SPATA1: variants seen among roughly 807,000 people sequenced by gnomAD.
The protein encoded by SPATA1 is spermatogenesis associated 1.
SPATA1 carries 57 observed loss-of-function variants against 59.6 expected under a neutral mutation model. That is an observed-to-expected ratio of 0.96 (90% CI 0.77 to 1.19). SPATA1 has a LOEUF of 1.19. Ranked by LOEUF, SPATA1 falls within the 50% of genes most tolerant of loss-of-function variation. SPATA1 has a pLI of 0.00. For missense variants in SPATA1, 448 were observed against 480.7 expected (o/e 0.93, Z 0.64); for synonymous variants, 147 against 163.9 (o/e 0.90, Z 0.79).
chr1:84,549,082 C>CTTATGACCTTATGT, intron 11 of SPATA1, 118 bp downstream of exon 11: 1 of 1,038,636 alleles, frequency 9.6e-7, no homozygotes, highest in South Asian at 3.0e-5. Context: ...TTGCTTAAAA[C>CTTATGACCTTATGT]AATAAAAAAA....
At chr1:84,524,358 G>C (rs144601862) in intron 4 of SPATA1, among the ~76,000 whole-genome samples, 2 of 152,262 alleles carry the variant, frequency 1.3e-5, no homozygotes, top group East Asian at 3.9e-4. Context: ...TTCAATGCCA[G>C]ATTAGTAGTT....
At chr1:84,562,762 G>A (rs983490611) in intron 4 of SPATA1, among the ~76,000 whole-genome samples, 1 of 151,994 alleles carries the variant, frequency 6.6e-6, no homozygotes, top group Admixed American at 6.6e-5. Flanking sequence ...TTTTGACATT[G>A]CTTTATAATT....
At chr1:84,549,005 T>C in intron 11 of SPATA1, 41 bp downstream of exon 11, 1 of 1,489,092 alleles carries the variant, frequency 6.7e-7, no homozygotes, top group Non-Finnish European at 8.9e-7. Flanking sequence ...AGAAGTTCTG[T>C]TCAAAACACA....
At chr1:84,548,864 G>A (rs143138172) in exon 11 of SPATA1, 24,691 of 1,587,906 alleles carry the variant, frequency 0.016, 262 homozygotes, top group Non-Finnish European at 0.017. Flanking sequence ...ACAAAACTTC[G>A]AGAAGATTTG....
chr1:84,545,687 G>A, exon 10 of SPATA1: 1 of 1,535,948 alleles, frequency 6.5e-7, no homozygotes, highest in Non-Finnish European at 8.7e-7. Context: ...AAGGTATCTG[G>A]AAAGAAATAG....
chr1:84,548,700 C>A, intron 10 of SPATA1, 86 bp from the exon 11 acceptor site: 1 of 1,331,518 alleles, frequency 7.5e-7, no homozygotes, highest in Non-Finnish European at 9.7e-7. Context: ...CTCTAGGATC[C>A]TTTCCAGGAT....
At chr1:84,522,425 A>G (rs761210096) in exon 4 of SPATA1, 1 of 1,508,352 alleles carries the variant, frequency 6.6e-7, no homozygotes, top group South Asian at 1.4e-5. Context: ...GCCCTGAGGG[A>G]GCGTCTTGGT....
At chr1:84,506,406 C>G (rs12092954) in exon 1 of SPATA1, 5,520 of 228,978 alleles carry the variant, frequency 0.024, 98 homozygotes, top group South Asian at 0.042. Flanking sequence ...CCAGAGGGGC[C>G]GATTAGGGAG....
intron 10 of SPATA1, among the ~76,000 whole-genome samples, chr1:84,547,083 A>G (rs566982142): frequency 4.7e-4 from 72 of 152,354 alleles, no homozygotes; most frequent in African/African-American, 1.7e-3. Flanking sequence ...TGAAGGTTAT[A>G]GACAATGTCA....
chr1:84,560,702 T>C (rs549585368), intron 4 of SPATA1, among the ~76,000 whole-genome samples: 3 of 152,328 alleles, frequency 2.0e-5, no homozygotes, highest in East Asian at 3.9e-4. Flanking sequence ...TAGGGACTAA[T>C]GAGGGTGGTA....
In SPATA1 at chr1:84,541,131, G is replaced by C. The variant is rs537949377; in HGVS notation, c.718-3071G>C. Among the ~76,000 whole-genome samples, 3 of 152,288 alleles carry C rather than the reference G, an allele frequency of 2.0e-5. No homozygotes were observed. In the South Asian group the frequency reaches 6.2e-4, roughly 32 times the overall value. On this transcript the variant is annotated intron_variant, in intron 8 of 12. Coordinates refer to ENST00000490879, the Ensembl canonical transcript of SPATA1. ...AAACTGACTTGAGTATTTTTGCCTGGAAGGTCAGAGAATTCCTTTAATGTG... is the reference window on the plus strand; with the variant it reads ...AAACTGACTTGAGTATTTTTGCCTGCAAGGTCAGAGAATTCCTTTAATGTG...
intron 6 of SPATA1, 167 bp downstream of exon 6, chr1:84,526,240 G>A: frequency 3.7e-6 from 2 of 535,956 alleles, no homozygotes; most frequent in African/African-American, 1.9e-5. Flanking sequence ...TTGCCAGATG[G>A]GAGGAAAAGA....
chr1:84,558,732 C>G (rs532256418), downstream of SPATA1, among the ~76,000 whole-genome samples: 2 of 152,010 alleles, frequency 1.3e-5, no homozygotes, highest in South Asian at 4.1e-4. Context: ...AAGACCCCGT[C>G]TCTACAAAAA....
intron 6 of SPATA1, among the ~76,000 whole-genome samples, chr1:84,529,837 C>A (rs1421087201): frequency 6.6e-6 from 1 of 150,626 alleles, no homozygotes; most frequent in Middle Eastern, 3.4e-3. Context: ...TGAGTGACTG[C>A]GCCCGGCTGA....
chr1:84,535,064 T>C (rs886716033), intron 8 of SPATA1, among the ~76,000 whole-genome samples: 8 of 152,136 alleles, frequency 5.3e-5, no homozygotes, highest in African/African-American at 1.9e-4. Flanking sequence ...GTGGTTGTGG[T>C]TCAGTTGAGA....
At chr1:84,521,482 C>T (rs1299813743) in intron 3 of SPATA1, among the ~76,000 whole-genome samples, 1 of 152,156 alleles carries the variant, frequency 6.6e-6, no homozygotes, top group Non-Finnish European at 1.5e-5. Context: ...GACCCTTGTA[C>T]TTTCTGTTCC....
At chr1:84,519,097 T>A (rs1034601464) in intron 2 of SPATA1, among the ~76,000 whole-genome samples, 9 of 152,050 alleles carry the variant, frequency 5.9e-5, no homozygotes, top group African/African-American at 1.4e-4. Flanking sequence ...TACCAAAAAA[T>A]TTTTTTAGTA....
chr1:84,539,198 T>G (rs1220334366), intron 8 of SPATA1, among the ~76,000 whole-genome samples: 2 of 152,314 alleles, frequency 1.3e-5, no homozygotes, highest in African/African-American at 4.8e-5. Flanking sequence ...GGTAGGAGAA[T>G]CACGGCTCTA....
chr1:84,542,780 T>G (rs369090747), intron 8 of SPATA1, among the ~76,000 whole-genome samples: 5 of 152,206 alleles, frequency 3.3e-5, no homozygotes, highest in African/African-American at 1.2e-4. Flanking sequence ...GGAGCAATTC[T>G]AATTTAGGTG....
Sources: gnomAD v4.1 joint callset for allele counts (sites outside exome capture counted in the v4.1 genomes callset) on GRCh38, gnomAD v4.1.1 for gene constraint, MANE v1.5 for transcripts, NCBI Gene and HGNC (gene_info 2026-07-23, HGNC 2026-07-21) for gene names.